Variants in LTBP1 observed in about 807,000 individuals in gnomAD.
LTBP1 encodes latent-transforming growth factor beta-binding protein 1.
Under a neutral mutation model 207.6 loss-of-function variants are expected in LTBP1, and 129 were observed. The observed-to-expected ratio is 0.62, with a 90% CI of 0.54 to 0.72. LTBP1 has a LOEUF of 0.72. LTBP1 is among the 30% of genes least tolerant of loss of function. The pLI is 0.00. For synonymous variants in LTBP1, 963 were observed against 833.7 expected (o/e 1.16, Z -2.67); for missense variants, 2,281 against 2,217.2 (o/e 1.03, Z -0.58).
At chr2:33,259,324 T>G (rs1193472194) in intron 12 of LTBP1, among the ~76,000 whole-genome samples, 2 of 152,242 alleles carry the variant, frequency 1.3e-5, no homozygotes, top group Non-Finnish European at 2.9e-5. Context: ...CTTCTTTTAA[T>G]TTTAATTCTG....
intron 23 of LTBP1, among the ~76,000 whole-genome samples, 183 bp downstream of exon 23, chr2:33,309,739 A>G (rs1025728699): frequency 6.6e-6 from 1 of 152,224 alleles, no homozygotes; most frequent in Non-Finnish European, 1.5e-5. Context: ...TTTGTCCAGC[A>G]TAGTGTCAAC....
chr2:33,091,208 G>C (rs532300791), intron 3 of LTBP1, among the ~76,000 whole-genome samples: 8 of 152,256 alleles, frequency 5.3e-5, no homozygotes, highest in Non-Finnish European at 1.2e-4. Flanking sequence ...ACTCTCATTG[G>C]TGGTCGTGGG....
At chr2:33,029,001 GTT>G (rs1311673697) in intron 3 of LTBP1, among the ~76,000 whole-genome samples, 1 of 152,144 alleles carries the variant, frequency 6.6e-6, no homozygotes, top group Non-Finnish European at 1.5e-5. Flanking sequence ...CTTGACACAA[GTT>G]TGGCTCAAGT....
intron 11 of LTBP1, among the ~76,000 whole-genome samples, chr2:33,254,858 T>TG (rs1558893278): frequency 2.1e-5 from 2 of 96,818 alleles, no homozygotes; most frequent in Admixed American, 9.7e-5. Flanking sequence ...TTTGGTTTTT[T>TG]TTTTTTTTTT....
chr2:33,348,773 C>T (rs1395876137), intron 26 of LTBP1, among the ~76,000 whole-genome samples: 1 of 152,072 alleles, frequency 6.6e-6, no homozygotes, highest in East Asian at 1.9e-4. Context: ...TGAAAAAATA[C>T]AGGATATTCC....
At chr2:33,356,366 G>A (rs1355846160) in intron 26 of LTBP1, among the ~76,000 whole-genome samples, 2 of 152,200 alleles carry the variant, frequency 1.3e-5, no homozygotes, top group African/African-American at 4.8e-5. Flanking sequence ...TAAAACAGAT[G>A]TTAAGTTTCA....
chr2:33,139,759 A>AC (rs146187400), intron 5 of LTBP1, among the ~76,000 whole-genome samples: 2,424 of 151,968 alleles, frequency 0.016, 26 homozygotes, highest in East Asian at 0.027. Context: ...AGAAGAATTT[A>AC]CCCCCCTAGA....
intron 5 of LTBP1, among the ~76,000 whole-genome samples, chr2:33,158,268 A>G (rs1349101557): frequency 1.3e-5 from 2 of 152,192 alleles, no homozygotes; most frequent in East Asian, 3.8e-4. Context: ...TGTAAACTTC[A>G]GATAGAGATT....
At chr2:33,055,978 C>T (rs1355865792) in intron 3 of LTBP1, among the ~76,000 whole-genome samples, 1 of 152,138 alleles carries the variant, frequency 6.6e-6, no homozygotes. Context: ...GAGAGGTCCT[C>T]CTGTGGGATG....
At chr2:33,073,284 TTG>T (rs199697981) in intron 3 of LTBP1, among the ~76,000 whole-genome samples, 30,358 of 85,102 alleles carry the variant, frequency 0.36, 3,585 homozygotes, top group Non-Finnish European at 0.53. Flanking sequence ...AGTGTTTTTT[TTG>T]TTTTTGTTTT....
intron 8 of LTBP1, among the ~76,000 whole-genome samples, chr2:33,221,002 A>C (rs2149415070): frequency 6.6e-6 from 1 of 152,358 alleles, no homozygotes; most frequent in African/African-American, 2.4e-5. Flanking sequence ...TTATTTTTTA[A>C]GAGAAAATTT....
At chr2:32,962,595 T>C (rs1020418505) in intron 2 of LTBP1, among the ~76,000 whole-genome samples, 7 of 152,220 alleles carry the variant, frequency 4.6e-5, no homozygotes, top group Non-Finnish European at 1.0e-4. Context: ...AATACTGAGA[T>C]TATGTTATTA....
intron 3 of LTBP1, among the ~76,000 whole-genome samples, chr2:33,033,332 C>T (rs1029014270): frequency 1.3e-5 from 2 of 151,966 alleles, no homozygotes; most frequent in African/African-American, 2.4e-5. Context: ...AAGCCCAGTT[C>T]TGGTGTTAAT....
intron 32 of LTBP1, among the ~76,000 whole-genome samples, chr2:33,393,655 T>A (rs1453975059): frequency 7.9e-5 from 12 of 152,186 alleles, no homozygotes; most frequent in Admixed American, 6.5e-5. Context: ...CATTCCATGG[T>A]GTATATGTGC....
rs764530183 is a variant in LTBP1, at chr2:33,134,944, C to T, written c.1185C>T (p.Ala395=). Residue 395 remains alanine (A), a synonymous_variant, in exon 5 of 34, where the codon GCC becomes GCT. Transcript: ENST00000404816. The surrounding 1 kb of genome is among the most constrained non-coding windows in gnomAD (Gnocchi z 4.4). ...GTCATGCTGCCGACACCCTGACGGC[C>T]ACGAACTTCCGAGTGGGTGAGTTCC... ...ENGHAADTLT[A]TNFRVVICHL... 5 of 1,611,886 alleles carry T rather than the reference C, an allele frequency of 3.1e-6. No individual in the cohort carries two copies. In the East Asian group the frequency reaches 1.1e-4, roughly 36 times the overall value.
At chr2:33,220,174 T>A (rs1401484925) in intron 8 of LTBP1, among the ~76,000 whole-genome samples, 1 of 152,216 alleles carries the variant, frequency 6.6e-6, no homozygotes, top group African/African-American at 2.4e-5. Flanking sequence ...TGTGTCCTCT[T>A]AAGTGACTCA....
chr2:33,276,551 T>C lies in LTBP1; in HGVS notation c.2992+628T>C, dbSNP rs868095703. On this transcript the variant is annotated intron_variant, in intron 18 of 33. Coordinates refer to ENST00000404816, the MANE Select transcript of LTBP1 (RefSeq NM_206943.4). Reference sequence around the variant, plus strand: ...TGTGTCCAAGTTGCTCTGGTTCTTTTTGAAACCAATGTAGTGAGGCCAGGC... The same window carrying C: ...TGTGTCCAAGTTGCTCTGGTTCTTTCTGAAACCAATGTAGTGAGGCCAGGC... Among the ~76,000 whole-genome samples, 15 of 152,362 alleles carry C rather than the reference T, an allele frequency of 9.8e-5. 1 individual carries two copies. The highest frequency in any genetic ancestry group is 3.6e-4 in the African/African-American group (15 of 41,588).
chr2:33,367,985 C>T (rs893269645), intron 31 of LTBP1, among the ~76,000 whole-genome samples: 7 of 152,032 alleles, frequency 4.6e-5, no homozygotes, highest in Non-Finnish European at 8.8e-5. Context: ...GAGGCCGAGG[C>T]GGGCGGATCA....
At chr2:33,259,531 A>G in intron 12 of LTBP1, 57 bp from the exon 13 acceptor site, 3 of 1,252,890 alleles carry the variant, frequency 2.4e-6, no homozygotes, top group Non-Finnish European at 3.4e-6. Flanking sequence ...GAATTGAAAT[A>G]TAATAGACTG....
Sources: allele counts gnomAD v4.1 joint callset (sites outside exome capture counted in the v4.1 genomes callset), GRCh38; gene constraint gnomAD v4.1.1; non-coding constraint Gnocchi (gnomAD v3.1); transcripts MANE v1.5; gene names NCBI Gene and HGNC (gene_info 2026-07-23, HGNC 2026-07-21).